Variants in MAP3K20 observed in about 807,000 individuals in gnomAD.
MAP3K20 encodes mitogen-activated protein kinase kinase kinase 20.
Under a neutral mutation model 85.7 loss-of-function variants are expected in MAP3K20, and 40 were observed. The ratio of observed to expected loss-of-function variants is 0.47; its 90% CI spans 0.36 to 0.61. The LOEUF is 0.61. Among genes scored for constraint, MAP3K20 ranks in the 20% least tolerant of loss-of-function variants. The pLI is 0.00. For synonymous variants in MAP3K20, 325 were observed against 327.7 expected (o/e 0.99, Z 0.09); for missense variants, 817 against 961.7 (o/e 0.85, Z 1.99).
intron 3 of MAP3K20, among the ~76,000 whole-genome samples, chr2:173,181,607 G>A (rs887174519): frequency 6.6e-5 from 10 of 152,230 alleles, no homozygotes; most frequent in Admixed American, 3.3e-4. Context: ...AGCATTATTC[G>A]TAATAGCCAA....
Position 173,209,821 on chromosome 2 carries a change from C to T in MAP3K20, c.837C>T (p.Asn279=), listed in dbSNP as rs1372166214. ...ACAAGTGTAACTCATTCCTACACAA[C>T]AAGGCGGAGTGGAGGTGGGTAGCCC... ...LPDKCNSFLH[N]KAEWRCEIEA... Residue 279 remains asparagine (N), a synonymous_variant, in exon 10 of 20, where the codon AAC becomes AAT. Transcript: ENST00000375213. 1 of 1,614,136 alleles carries T rather than the reference C, an allele frequency of 6.2e-7. No individual in the cohort carries two copies. The highest frequency in any genetic ancestry group is 1.7e-5 in the Admixed American group (1 of 60,020).
chr2:173,135,764 A>G (rs1441764950), intron 2 of MAP3K20, among the ~76,000 whole-genome samples: 1 of 152,226 alleles, frequency 6.6e-6, no homozygotes, highest in Non-Finnish European at 1.5e-5. Context: ...TGAATGCAGG[A>G]GATATCATTA....
chr2:173,209,999 G>C (rs1274339974), intron 10 of MAP3K20, 164 bp downstream of exon 10: 3 of 623,612 alleles, frequency 4.8e-6, no homozygotes, highest in Non-Finnish European at 8.4e-6. Context: ...TATAAGTCCT[G>C]CATTTCATAA....
intron 2 of MAP3K20, among the ~76,000 whole-genome samples, chr2:173,164,038 C>A (rs1689742162): frequency 6.6e-6 from 1 of 151,946 alleles, no homozygotes; most frequent in Admixed American, 6.6e-5. Flanking sequence ...CGGCTCACTG[C>A]AACCTCCGCC....
chr2:173,101,949 C>G (rs1333583545), intron 2 of MAP3K20, among the ~76,000 whole-genome samples: 2 of 152,164 alleles, frequency 1.3e-5, no homozygotes. Flanking sequence ...GAGATGCAGT[C>G]TGCTCTAGTT....
chr2:173,236,245 G>T, intron 14 of MAP3K20, among the ~76,000 whole-genome samples: 1 of 135,262 alleles, frequency 7.4e-6, no homozygotes, highest in Non-Finnish European at 1.5e-5. Flanking sequence ...TACAGCCTGG[G>T]CAATAGAGTG....
Position 173,182,963 on chromosome 2 carries a change from T to A in MAP3K20, c.349+8T>A. 2 of 1,592,162 alleles carry A rather than the reference T, an allele frequency of 1.3e-6. No individual in the cohort carries two copies. On this transcript the variant is annotated splice_region_variant and intron_variant, in intron 4 of 19. Transcript: ENST00000375213. Reference sequence around the variant, plus strand: ...CCACTGATGTAGCCAAAGGTAATAATATTTGGTATATTCTTATAGAATTAG... The same window carrying A: ...CCACTGATGTAGCCAAAGGTAATAAAATTTGGTATATTCTTATAGAATTAG...
chr2:173,114,756 G>T (rs1333409024), intron 2 of MAP3K20, among the ~76,000 whole-genome samples: 1 of 152,166 alleles, frequency 6.6e-6, no homozygotes, highest in Non-Finnish European at 1.5e-5. Context: ...AGCTTGTAGG[G>T]TTTCTGCTGA....
At chr2:173,084,058 T>A (rs895665109) in intron 1 of MAP3K20, among the ~76,000 whole-genome samples, 9 of 152,164 alleles carry the variant, frequency 5.9e-5, no homozygotes, top group African/African-American at 2.2e-4. Context: ...AGACCTTTTT[T>A]CTAGTAAAGT....
At chr2:173,246,822 GAA>G (rs1016229143) in intron 16 of MAP3K20, among the ~76,000 whole-genome samples, 3 of 152,116 alleles carry the variant, frequency 2.0e-5, no homozygotes, top group African/African-American at 7.2e-5. Flanking sequence ...AAAAGTAACG[GAA>G]ACAGCACGCT....
chr2:173,108,208 C>T (rs1423796398), intron 2 of MAP3K20, among the ~76,000 whole-genome samples: 1 of 151,790 alleles, frequency 6.6e-6, no homozygotes, highest in Admixed American at 6.6e-5. Context: ...CGTGATCTCA[C>T]CGCAACTTCT....
At chr2:173,168,794 A>C (rs1689914390) in intron 2 of MAP3K20, among the ~76,000 whole-genome samples, 1 of 152,226 alleles carries the variant, frequency 6.6e-6, no homozygotes, top group Non-Finnish European at 1.5e-5. Flanking sequence ...AAAAGTCATA[A>C]AATATTGATG....
chr2:173,222,953 T>TTA (rs1684290972), intron 11 of MAP3K20: 3 of 985,270 alleles, frequency 3.0e-6, no homozygotes, highest in Admixed American at 6.1e-5. Flanking sequence ...AGGAGTGTCA[T>TTA]TATTTGACTG....
intron 2 of MAP3K20, among the ~76,000 whole-genome samples, chr2:173,159,380 T>C (rs62175815): frequency 1.0e-5 from 1 of 96,736 alleles, no homozygotes; most frequent in African/African-American, 3.5e-5. Flanking sequence ...CCTTTCCTTT[T>C]CTTTTCTTTC....
intron 2 of MAP3K20, among the ~76,000 whole-genome samples, chr2:173,163,600 G>A (rs1038366588): frequency 2.6e-5 from 4 of 152,034 alleles, no homozygotes; most frequent in Non-Finnish European, 5.9e-5. Flanking sequence ...CTTTTTTATG[G>A]CTGCATAGTA....
chr2:173,102,057 C>T lies in MAP3K20; in HGVS notation c.159+10867C>T, dbSNP rs559687492. Among the ~76,000 whole-genome samples, 3 of 152,282 alleles carry T rather than the reference C, an allele frequency of 2.0e-5. No homozygotes were observed. The South Asian group carries it at 6.2e-4, about 32-fold the overall frequency. On this transcript the variant is annotated intron_variant, in intron 2 of 19. Transcript: ENST00000375213. The stretch of plus-strand genomic sequence containing the variant: ...ATATACAACAAATCTTACCTTCTTC[C>T]ATGTATCAGCTTCTAGAGGATGGCA...
chr2:173,195,532 C>T (rs770116056), intron 7 of MAP3K20, among the ~76,000 whole-genome samples: 2 of 152,146 alleles, frequency 1.3e-5, no homozygotes, highest in Non-Finnish European at 2.9e-5. Context: ...TAATATTTGG[C>T]CTGAATCCTC....
At chr2:173,224,605 A>T in intron 11 of MAP3K20, 1 of 985,406 alleles carries the variant, frequency 1.0e-6, no homozygotes. Flanking sequence ...GAATTAGAAT[A>T]CAGCAGAATT....
In MAP3K20 at chr2:173,163,532, T is replaced by C. The variant is rs140882977; in HGVS notation, c.160-6273T>C. Among the ~76,000 whole-genome samples the C allele has an allele frequency of 9.3e-4, 142 of 152,326 alleles. 1 individual carries two copies. Among genetic ancestry groups the C allele is most frequent in the Non-Finnish European group, 5.9e-5 (4 of 68,020 alleles). The stretch of plus-strand genomic sequence containing the variant: ...CAAATGACACAATCTTGTTCTTTTT[T>C]ATGGCTGCATGGTATTCCTAGCTCC... On this transcript the variant is annotated intron_variant, in intron 2 of 19. Coordinates refer to ENST00000375213, the MANE Select transcript of MAP3K20 (RefSeq NM_016653.3).
Sources: gnomAD v4.1 joint callset for allele counts (sites outside exome capture counted in the v4.1 genomes callset) on GRCh38, gnomAD v4.1.1 for gene constraint, MANE v1.5 for transcripts, NCBI Gene and HGNC (gene_info 2026-07-23, HGNC 2026-07-21) for gene names.